Variants in SYNGR2 observed in about 807,000 individuals in gnomAD.
The protein encoded by SYNGR2 is synaptogyrin-2.
In SYNGR2, 11 loss-of-function variants were observed where a neutral mutation model predicts 18.7. The ratio of observed to expected loss-of-function variants is 0.59; its 90% CI spans 0.37 to 0.97. The LOEUF (loss-of-function observed/expected upper bound fraction) is 0.97, where lower values mean the gene tolerates loss of function less well. Ranked by LOEUF, SYNGR2 falls within the 50% of genes least tolerant of loss-of-function variation. The pLI is 0.01. For missense variants in SYNGR2, 253 were observed against 300.7 expected (o/e 0.84, Z 1.17); for synonymous variants, 127 against 131.0 (o/e 0.97, Z 0.21).
In SYNGR2 at chr17:78,172,197, T is replaced by G; in HGVS notation, c.*261T>G. On this transcript the variant is annotated 3_prime_UTR_variant, in exon 4 of 4. Coordinates refer to ENST00000225777, the MANE Select transcript of SYNGR2 (RefSeq NM_004710.7). ...TTTTAGCTAGTGTTTTTCCTCGCTT[T>G]TAATGACCTCAGCCCCGCCTGCAGT... 1 of 783,164 alleles carries G rather than the reference T, an allele frequency of 1.3e-6. No homozygotes were observed. Among genetic ancestry groups the G allele is most frequent in the Non-Finnish European group, 2.0e-6 (1 of 509,516 alleles). 48.5% of individuals were successfully genotyped at this position (783,164 alleles called of 1,614,324 possible). A position where few individuals can be genotyped will look rare whatever the true frequency, so the allele number is the denominator to read the frequency against.
intron 1 of SYNGR2, 104 bp downstream of exon 1, chr17:78,168,819 C>T (rs1209331259): frequency 1.0e-6 from 1 of 1,004,718 alleles, no homozygotes; most frequent in East Asian, 4.5e-5. Context: ...GCGGCGGCCG[C>T]GTCCGGGGCC....
chr17:78,172,047 G>A lies in SYNGR2; in HGVS notation c.*111G>A. 6.4e-7 allele frequency: 1 copy of A among 1,556,286 alleles called. No individual in the cohort carries two copies. On this transcript the variant is annotated 3_prime_UTR_variant, in exon 4 of 4. Transcript: ENST00000225777. ...CTCTCTTTCACCTGTTCCATCCTGT[G>A]CAGCTGACACACAGCTAAGGAGCCT...
rs2075656909 is a variant in SYNGR2 at position 78,171,346 on chromosome 17, T to G, written c.338-164T>G. 8.1e-6 allele frequency: 7 copies of G among 866,542 alleles called. No individual in the cohort carries two copies. The Admixed American group carries it at 1.8e-4, about 22-fold the overall frequency. 53.7% of individuals were successfully genotyped at this position (866,542 alleles called of 1,614,324 possible). ...GGCCCACCCTGCCAAGGCCCGAGTG[T>G]GGGGGACTTTGGAGGTGGCTCCCGG... On this transcript the variant is annotated intron_variant, in intron 2 of 3. Transcript: ENST00000225777. The surrounding 1 kb of genome is among the most constrained non-coding windows in gnomAD (Gnocchi z 6.6).
upstream of SYNGR2, chr17:78,168,566 C>A (rs930525437): frequency 5.4e-6 from 6 of 1,115,268 alleles, no homozygotes; most frequent in African/African-American, 4.9e-5. Flanking sequence ...GGCGGGGCGC[C>A]GGGCAGGTTC....
chr17:78,172,155 C>G lies in SYNGR2; in HGVS notation c.*219C>G. ...CAGTCAGCCGCTCACTCCTCCAGGG[C>G]ACTTTTAGGAAAGGGTTTTTAGCTA... On this transcript the variant is annotated 3_prime_UTR_variant, in exon 4 of 4. Coordinates refer to ENST00000225777, the MANE Select transcript of SYNGR2 (RefSeq NM_004710.7). 8.9e-7 allele frequency: 1 copy of G among 1,128,628 alleles called. No individual in the cohort carries two copies. The highest frequency in any genetic ancestry group is 1.2e-6 in the Non-Finnish European group (1 of 821,174). The allele number at this position is 1,128,628 out of a possible 1,614,324, so 69.9% of individuals were successfully genotyped here.
In SYNGR2 at chr17:78,172,103, C is replaced by A. The variant is rs1198683978; in HGVS notation, c.*167C>A. The A allele has an allele frequency of 1.0e-4, 145 of 1,440,242 alleles. No individual in the cohort carries two copies. The highest frequency in any genetic ancestry group is 1.9e-4 in the Middle Eastern group (1 of 5,248). The allele number at this position is 1,440,242 out of a possible 1,614,324, so 89.2% of individuals were successfully genotyped here. A position where few individuals can be genotyped will look rare whatever the true frequency, so the allele number is the denominator to read the frequency against. On this transcript the variant is annotated 3_prime_UTR_variant, in exon 4 of 4. Coordinates refer to ENST00000225777, the MANE Select transcript of SYNGR2 (RefSeq NM_004710.7). The stretch of plus-strand genomic sequence containing the variant: ...CCTGGCGGGGGCTGGCAGAGCCACA[C>A]CCCAAGTGCCTGTGCCCAGAGGGCT...
Position 78,171,112 on chromosome 17 carries a change from G to A in SYNGR2, c.337+58G>A, listed in dbSNP as rs367590027. On this transcript the variant is annotated intron_variant, in intron 2 of 3. Transcript: ENST00000225777. The surrounding 1 kb of genome is among the most constrained non-coding windows in gnomAD (Gnocchi z 6.6). ...GGGGAGGCATTAACTCTAGGGTTCC[G>A]CAGCTGGGAGGGTCTCGGCCTCTCT... 2.3e-5 allele frequency: 36 copies of A among 1,536,252 alleles called. No homozygotes were observed. The highest frequency in any genetic ancestry group is 1.0e-4 in the South Asian group (9 of 88,158).
Position 78,171,846 on chromosome 17 carries a change from C to G in SYNGR2, c.585C>G (p.Tyr195Ter), listed in dbSNP as rs767540970. 7 of 1,614,164 alleles carry G rather than the reference C, an allele frequency of 4.3e-6. No homozygotes were observed. The Admixed American group carries it at 1.2e-4, about 27-fold the overall frequency. Residue 195 changes from tyrosine to a stop codon, truncating the protein, a stop_gained, in exon 4 of 4, where the codon TAC (tyrosine) becomes TAG (stop). Transcript: ENST00000225777. LOFTEE classifies it high-confidence loss of function. This position sits in a 1 kb window ranked among gnomAD's most constrained non-coding sequence, Gnocchi z 6.6. Reference sequence around the variant, plus strand: ...ACCCCAACACTGCCTACGCCTCCTACCCAGGTGCATCTGTGGACAACTACC... The same window carrying G: ...ACCCCAACACTGCCTACGCCTCCTAGCCAGGTGCATCTGTGGACAACTACC... ...TPDPNTAYAS[Y>*]PGASVDNYQQ...
chr17:78,168,710 T>C lies in SYNGR2; in HGVS notation c.94T>C (p.Cys32Arg). ...GCCGCAGGTGGTGGCGCGCGCCGTGTGCTTGGTGAGCCCGGGGAGGGCGGG... is the reference window on the plus strand; with the variant it reads ...GCCGCAGGTGGTGGCGCGCGCCGTGCGCTTGGTGAGCCCGGGGAGGGCGGG... Reference protein sequence around the residue: ...TQPQVVARAVCLVFALIVFSC... With the variant: ...TQPQVVARAVRLVFALIVFSC... The change falls in exon 1 of 4, where the codon TGC becomes CGC. Residue 32 changes from cysteine (C) to arginine (R), a missense_variant. Transcript: ENST00000225777. 1 of 1,200,172 alleles carries C rather than the reference T, an allele frequency of 8.3e-7. No individual in the cohort carries two copies. The highest frequency in any genetic ancestry group is 1.0e-6 in the Non-Finnish European group (1 of 967,542). 74.3% of individuals were successfully genotyped at this position (1,200,172 alleles called of 1,614,324 possible).
Position 78,168,658 on chromosome 17 carries a change from C to T in SYNGR2, c.42C>T (p.Ser14=). The change falls in exon 1 of 4, where the codon TCC becomes TCT. Residue 14 remains serine (S), a synonymous_variant. Transcript: ENST00000225777. ...ACGGCGCGGCCAAGGCGGGCGGCTC[C>T]TTCGACCTGCGGCGCTTCCTGACGC... ...GAYGAAKAGG[S]FDLRRFLTQP... 2.5e-6 allele frequency: 3 copies of T among 1,205,048 alleles called. No individual in the cohort carries two copies. Among genetic ancestry groups the T allele is most frequent in the Non-Finnish European group, 3.1e-6 (3 of 970,712 alleles). 74.6% of individuals were successfully genotyped at this position (1,205,048 alleles called of 1,614,324 possible).
In SYNGR2 at chr17:78,171,872, A is replaced by G. The variant is rs1212842980; in HGVS notation, c.611A>G (p.Gln204Arg). The G allele has an allele frequency of 6.2e-7, 1 of 1,613,814 alleles. No individual in the cohort carries two copies. The highest frequency in any genetic ancestry group is 1.1e-5 in the South Asian group (1 of 91,058). ...SYPGASVDNY[Q>R]QPPFTQNAET... Reference sequence around the variant, plus strand: ...CCAGGTGCATCTGTGGACAACTACCAACAGCCACCCTTCACCCAGAACGCG... The same window carrying G: ...CCAGGTGCATCTGTGGACAACTACCGACAGCCACCCTTCACCCAGAACGCG... Residue 204 changes from glutamine (Q) to arginine (R), a missense_variant, in exon 4 of 4, where the codon CAA becomes CGA. Transcript: ENST00000225777. This position sits in a 1 kb window ranked among gnomAD's most constrained non-coding sequence, Gnocchi z 6.6.
chr17:78,172,227 A>G lies in SYNGR2; in HGVS notation c.*291A>G. The G allele has an allele frequency of 1.6e-6, 1 of 622,038 alleles. No individual in the cohort carries two copies. The highest frequency in any genetic ancestry group is 2.7e-6 in the Non-Finnish European group (1 of 370,524). 38.5% of individuals were successfully genotyped at this position (622,038 alleles called of 1,614,324 possible). ...GACCTCAGCCCCGCCTGCAGTGGCT[A>G]GAAGCCAGCAGGTGCCCATGTGCTA... On this transcript the variant is annotated 3_prime_UTR_variant, in exon 4 of 4. Transcript: ENST00000225777.
rs184124201 is a variant in SYNGR2, at chr17:78,172,313, C to T, written c.*377C>T. 1.1e-4 allele frequency: 50 copies of T among 465,526 alleles called. No homozygotes were observed. In the East Asian group the frequency reaches 1.5e-3, roughly 14 times the overall value. 28.8% of individuals were successfully genotyped at this position (465,526 alleles called of 1,614,324 possible). A position where few individuals can be genotyped will look rare whatever the true frequency, so the allele number is the denominator to read the frequency against. On this transcript the variant is annotated 3_prime_UTR_variant, in exon 4 of 4. Coordinates refer to ENST00000225777, the MANE Select transcript of SYNGR2 (RefSeq NM_004710.7). ...AGGCCGTGGGAGCCGCTATTATCTG[C>T]GTTCTCTGCCAAAGACTCGTGGGGG...
Position 78,171,993 on chromosome 17 carries a change from T to C in SYNGR2, c.*57T>C. 6.2e-7 allele frequency: 1 copy of C among 1,602,942 alleles called. No homozygotes were observed. The highest frequency in any genetic ancestry group is 1.1e-5 in the South Asian group (1 of 91,060). On this transcript the variant is annotated 3_prime_UTR_variant, in exon 4 of 4. Transcript: ENST00000225777. This position sits in a 1 kb window ranked among gnomAD's most constrained non-coding sequence, Gnocchi z 6.6. ...GGGCCCTCCCCTCTGCCCTGGACTT[T>C]CCCATGAGCCTCCTGGAACTGCCAG... is the stretch of plus-strand genomic sequence containing the variant.
chr17:78,170,825 C>T lies in SYNGR2; in HGVS notation c.108C>T (p.Ala36=). The change falls in exon 2 of 4, where the codon GCC becomes GCT. Residue 36 remains alanine, a synonymous_variant. Coordinates refer to ENST00000225777, the MANE Select transcript of SYNGR2 (RefSeq NM_004710.7). The stretch of plus-strand genomic sequence containing the variant: ...TCCTCCCCTCCCGGCAGGTCTTCGC[C>T]TTGATCGTGTTCTCCTGCATCTATG... ...VVARAVCLVF[A]LIVFSCIYGE... is the part of the protein sequence containing the mutation. 6.2e-7 allele frequency: 1 copy of T among 1,609,380 alleles called. No individual in the cohort carries two copies. The highest frequency in any genetic ancestry group is 2.2e-5 in the East Asian group (1 of 44,836).
chr17:78,170,738 C>G, intron 1 of SYNGR2, 79 bp from the exon 2 acceptor site: 2 of 1,242,214 alleles, frequency 1.6e-6, no homozygotes, highest in South Asian at 1.3e-5. Flanking sequence ...AGGCCAGCAT[C>G]TGTACACCCC....
rs772800257 is a variant in SYNGR2, at chr17:78,171,444, C to A, written c.338-66C>A. 1.0e-4 allele frequency: 152 copies of A among 1,504,648 alleles called. 1 individual carries two copies. The highest frequency in any genetic ancestry group is 1.3e-4 in the Non-Finnish European group (143 of 1,126,308). The allele number at this position is 1,504,648 out of a possible 1,614,324, so 93.2% of individuals were successfully genotyped here. A position where few individuals can be genotyped will look rare whatever the true frequency, so the allele number is the denominator to read the frequency against. ...GGTCCCTGCCCTACCTGCCCGCGTC[C>A]CCTCCCAGAGTCCTGGAAAGCCCCT... On this transcript the variant is annotated intron_variant, in intron 2 of 3. Coordinates refer to ENST00000225777, the MANE Select transcript of SYNGR2 (RefSeq NM_004710.7). The surrounding 1 kb of genome is among the most constrained non-coding windows in gnomAD (Gnocchi z 6.6).
At chr17:78,169,473 G>C (rs771020208) in intron 1 of SYNGR2, among the ~76,000 whole-genome samples, 4 of 152,162 alleles carry the variant, frequency 2.6e-5, no homozygotes, top group Non-Finnish European at 4.4e-5. Flanking sequence ...CCAAGAATCA[G>C]GTGCCCAGTG....
Position 78,171,414 on chromosome 17 carries a change from C to G in SYNGR2, c.338-96C>G, listed in dbSNP as rs952247568. 1.1e-5 allele frequency: 16 copies of G among 1,436,960 alleles called. No homozygotes were observed. The East Asian group carries it at 2.6e-4, about 23-fold the overall frequency. 89.0% of individuals were successfully genotyped at this position (1,436,960 alleles called of 1,614,324 possible). ...CCCCTCCATAGTGTGGAGGCTCCCC[C>G]GGGAGGTCCCTGCCCTACCTGCCCG... On this transcript the variant is annotated intron_variant, in intron 2 of 3. Transcript: ENST00000225777. This position sits in a 1 kb window ranked among gnomAD's most constrained non-coding sequence, Gnocchi z 6.6.
Sources: gnomAD v4.1 joint callset for allele counts (sites outside exome capture counted in the v4.1 genomes callset) on GRCh38, gnomAD v4.1.1 for gene constraint, Gnocchi (gnomAD v3.1) non-coding constraint, MANE v1.5 for transcripts, NCBI Gene and HGNC (gene_info 2026-07-23, HGNC 2026-07-21) for gene names.